SLC39A8: variants seen among roughly 807,000 people sequenced by gnomAD.
SLC39A8 encodes metal cation symporter ZIP8.
Under a neutral mutation model 40.4 loss-of-function variants are expected in SLC39A8, and 15 were observed. The observed-to-expected ratio is 0.37, with a 90% confidence interval of 0.25 to 0.57. SLC39A8 has a LOEUF of 0.57. Among genes scored for constraint, SLC39A8 ranks in the 20% least tolerant of loss-of-function variants. The pLI is 0.75. For missense variants in SLC39A8, 472 were observed against 558.8 expected, an observed-to-expected ratio of 0.84 and a Z score of 1.57; for synonymous variants, 223 against 221.6, an observed-to-expected ratio of 1.01 and a Z score of -0.06.
intron 2 of SLC39A8, among the ~76,000 whole-genome samples, chr4:102,320,214 T>C (rs1306454251): frequency 7.3e-6 from 1 of 137,068 alleles, no homozygotes; most frequent in African/African-American, 2.8e-5. Flanking sequence ...TATATATATA[T>C]GTATATATGT....
At chr4:102,330,328 G>A (rs1356084497) in intron 2 of SLC39A8, among the ~76,000 whole-genome samples, 1 of 152,112 alleles carries the variant, frequency 6.6e-6, no homozygotes, top group African/African-American at 2.4e-5. Context: ...TATTAAAAAT[G>A]ATAAAGGGGA....
intron 8 of SLC39A8, among the ~76,000 whole-genome samples, chr4:102,265,910 C>T (rs553558272): frequency 7.2e-5 from 11 of 152,226 alleles, no homozygotes; most frequent in Non-Finnish European, 1.6e-4. Context: ...GCAAAATCTT[C>T]ACATCTACCA....
chr4:102,323,918 A>G (rs546177835), intron 2 of SLC39A8, among the ~76,000 whole-genome samples: 70 of 152,354 alleles, frequency 4.6e-4, no homozygotes, highest in African/African-American at 1.6e-3. Flanking sequence ...ACACAATTAA[A>G]TTAACTGTTA....
intron 8 of SLC39A8, among the ~76,000 whole-genome samples, chr4:102,266,101 G>A (rs1475758691): frequency 6.6e-6 from 1 of 151,730 alleles, no homozygotes; most frequent in Non-Finnish European, 1.5e-5. Context: ...TTTATTATTT[G>A]TAATTATTTA....
At chr4:102,263,303 G>A in intron 8 of SLC39A8, 110 bp from the exon 9 acceptor site, 1 of 866,844 alleles carries the variant, frequency 1.2e-6, no homozygotes, top group South Asian at 1.7e-5. Context: ...CCAGACCAGT[G>A]TGATAAAGCA....
Position 102,267,508 on chromosome 4 carries a change from A to G in SLC39A8, c.1215T>C (p.Tyr405=), listed in dbSNP as rs1377158518. The change falls in exon 8 of 9, where the codon TAT becomes TAC. Residue 405 remains tyrosine (Y), a synonymous_variant. Coordinates refer to ENST00000356736, the MANE Select transcript of SLC39A8 (RefSeq NM_001135146.2). ...TTCTTACCATATCTGCCAGAGAAAT[A>G]TAGAGGAACATGCCTCCAGCAAGTG... The part of the protein sequence containing the change: ...IFALAGGMFL[Y]ISLADMFPEM... 1.4e-5 allele frequency: 22 copies of G among 1,606,778 alleles called. No individual in the cohort carries two copies. Among genetic ancestry groups the G allele is most frequent in the Non-Finnish European group, 1.7e-5 (20 of 1,178,096 alleles).
intron 11 of SLC39A8, among the ~76,000 whole-genome samples, chr4:102,256,536 C>T (rs1022953396): frequency 6.6e-6 from 1 of 152,198 alleles, no homozygotes; most frequent in South Asian, 2.1e-4. Flanking sequence ...TCTCTCAAAA[C>T]ATCCTAGATA....
chr4:102,292,150 G>A (rs1169750236), intron 6 of SLC39A8, among the ~76,000 whole-genome samples: 1 of 151,888 alleles, frequency 6.6e-6, no homozygotes, highest in Admixed American at 6.6e-5. Flanking sequence ...GTTAATGATA[G>A]CATAATGTAT....
At chr4:102,330,816 C>T (rs775740212) in intron 2 of SLC39A8, among the ~76,000 whole-genome samples, 1 of 152,182 alleles carries the variant, frequency 6.6e-6, no homozygotes, top group Non-Finnish European at 1.5e-5. Context: ...CATCAAAAAG[C>T]TTATCCATTA....
chr4:102,306,488 T>G (rs1340879027), intron 4 of SLC39A8, among the ~76,000 whole-genome samples: 1 of 131,538 alleles, frequency 7.6e-6, no homozygotes, highest in Non-Finnish European at 1.6e-5. Flanking sequence ...AATAAATCTA[T>G]AACTCTAAAA....
chr4:102,332,675 C>T (rs1177373446), intron 2 of SLC39A8, among the ~76,000 whole-genome samples: 1 of 152,146 alleles, frequency 6.6e-6, no homozygotes, highest in East Asian at 1.9e-4. Context: ...GGTATATACC[C>T]AAAGGATTAT....
intron 2 of SLC39A8, among the ~76,000 whole-genome samples, chr4:102,341,430 C>T (rs1735935657): frequency 6.6e-6 from 1 of 152,178 alleles, no homozygotes; most frequent in Admixed American, 6.5e-5. Flanking sequence ...AAACAAAAGG[C>T]AGCACTGAGG....
Position 102,304,469 on chromosome 4 carries a change from G to C in SLC39A8, c.688C>G (p.His230Asp), listed in dbSNP as rs1349153798. 1 of 1,610,174 alleles carries C rather than the reference G, an allele frequency of 6.2e-7. No homozygotes were observed. Residue 230 changes from histidine (H) to aspartate (D), a missense_variant, in exon 6 of 9, where the codon CAC becomes GAC. Transcript: ENST00000356736. The stretch of plus-strand genomic sequence containing the variant: ...GGACCAAAGTTATCATTTCCAAAGT[G>C]GGTATGACCATTCTATATGGGAACA... ...LKTYGQNGHT[H>D]FGNDNFGPQE...
At chr4:102,299,907 G>T (rs1171973838) in intron 6 of SLC39A8, among the ~76,000 whole-genome samples, 1 of 152,024 alleles carries the variant, frequency 6.6e-6, no homozygotes, top group East Asian at 1.9e-4. Context: ...CCAAGGCTGT[G>T]TCTGGGCTGG....
intron 2 of SLC39A8, among the ~76,000 whole-genome samples, chr4:102,316,792 TC>T (rs1340709109): frequency 6.6e-6 from 1 of 152,074 alleles, no homozygotes; most frequent in Admixed American, 6.6e-5. Context: ...GAAGCCCTAA[TC>T]CCCAGTGTGA....
At chr4:102,275,731 G>C (rs190151771) in intron 6 of SLC39A8, among the ~76,000 whole-genome samples, 1 of 152,164 alleles carries the variant, frequency 6.6e-6, no homozygotes, top group Non-Finnish European at 1.5e-5. Context: ...CCACATAATT[G>C]GAAGTAAAAC....
At chr4:102,329,495 C>T (rs553634094) in intron 2 of SLC39A8, among the ~76,000 whole-genome samples, 10 of 151,898 alleles carry the variant, frequency 6.6e-5, no homozygotes, top group African/African-American at 2.2e-4. Flanking sequence ...TGGTGGTGGG[C>T]GCCTGTAGTC....
chr4:102,283,110 G>A (rs1307498378), intron 6 of SLC39A8, among the ~76,000 whole-genome samples: 2 of 152,172 alleles, frequency 1.3e-5, no homozygotes, highest in Admixed American at 1.3e-4. Context: ...GTTTGGAAAG[G>A]GAGGGCATAA....
intron 2 of SLC39A8, among the ~76,000 whole-genome samples, chr4:102,338,059 T>C (rs1735753520): frequency 6.6e-6 from 1 of 152,174 alleles, no homozygotes; most frequent in Admixed American, 6.5e-5. Context: ...TCTAAACTAG[T>C]AGCAGATGTT....
Sources: allele counts gnomAD v4.1 joint callset (sites outside exome capture counted in the v4.1 genomes callset), GRCh38; gene constraint gnomAD v4.1.1; transcripts MANE v1.5; gene names NCBI Gene and HGNC (gene_info 2026-07-23, HGNC 2026-07-21).